CCNY: variants seen among roughly 807,000 people sequenced by gnomAD.
CCNY encodes cyclin Y.
In CCNY, 19 loss-of-function variants were observed where a neutral mutation model predicts 42.8. The ratio of observed to expected loss-of-function variants is 0.44; its 90% CI spans 0.31 to 0.65. CCNY has a LOEUF of 0.65. CCNY is among the 30% of genes least tolerant of loss of function. CCNY has a pLI of 0.07. For synonymous variants in CCNY, 165 were observed against 162.7 expected (o/e 1.01, Z -0.11); for missense variants, 370 against 437.3 (o/e 0.85, Z 1.37).
chr10:35,541,420 C>T (rs971337780), intron 7 of CCNY, among the ~76,000 whole-genome samples: 3 of 152,108 alleles, frequency 2.0e-5, no homozygotes, highest in Non-Finnish European at 4.4e-5. Context: ...ATTTTTGCGA[C>T]GGATCTCATT....
In CCNY at chr10:35,411,738, T is replaced by C. The variant is rs146720178; in HGVS notation, c.155-71666T>C. On this transcript the variant is annotated intron_variant, in intron 1 of 9. Transcript: ENST00000374704. ...GAATGCAGAAACCCAAGACAAGTTT[T>C]ATGTTCTACTAAGAGATTTCTTCCA... Among the ~76,000 whole-genome samples, 6 of 152,286 alleles carry C rather than the reference T, an allele frequency of 3.9e-5. No individual in the cohort carries two copies. The East Asian group carries it at 1.2e-3, about 29-fold the overall frequency.
intron 3 of CCNY, among the ~76,000 whole-genome samples, chr10:35,312,206 T>A (rs1242951011): frequency 6.6e-6 from 1 of 151,600 alleles, no homozygotes; most frequent in African/African-American, 2.4e-5. Flanking sequence ...TGAAACCCTG[T>A]CTTTACTAAA....
At chr10:35,330,032 CCT>C (rs1409771082) in intron 3 of CCNY, among the ~76,000 whole-genome samples, 4 of 152,126 alleles carry the variant, frequency 2.6e-5, no homozygotes, top group Non-Finnish European at 4.4e-5. Flanking sequence ...ATCAACTATC[CCT>C]GTTTTGCTTT....
At chr10:35,304,882 C>G (rs1348268508) in intron 3 of CCNY, among the ~76,000 whole-genome samples, 4 of 152,210 alleles carry the variant, frequency 2.6e-5, no homozygotes, top group African/African-American at 9.6e-5. Flanking sequence ...CAGGGGAGAT[C>G]AGAGGAAGAA....
intron 2 of CCNY, among the ~76,000 whole-genome samples, chr10:35,248,429 A>C (rs1269819237): frequency 6.6e-6 from 1 of 152,048 alleles, no homozygotes; most frequent in East Asian, 1.9e-4. Flanking sequence ...AGATCACCTG[A>C]GGTCAGGAGT....
intron 1 of CCNY, among the ~76,000 whole-genome samples, chr10:35,247,495 A>T (rs1783565566): frequency 6.6e-6 from 1 of 151,950 alleles, no homozygotes; most frequent in Non-Finnish European, 1.5e-5. Flanking sequence ...CTGAGGTGGG[A>T]GGATCACTTG....
intron 3 of CCNY, among the ~76,000 whole-genome samples, chr10:35,268,992 T>C (rs1243603379): frequency 6.6e-6 from 1 of 152,232 alleles, no homozygotes; most frequent in Admixed American, 6.5e-5. Context: ...GATTCTCCCA[T>C]TATCTTCATG....
At chr10:35,478,436 CAG>C (rs1839573479) in intron 1 of CCNY, among the ~76,000 whole-genome samples, 1 of 151,240 alleles carries the variant, frequency 6.6e-6, no homozygotes, top group African/African-American at 2.4e-5. Context: ...GGTACCAAAA[CAG>C]AGATATAGAT....
intron 1 of CCNY, among the ~76,000 whole-genome samples, chr10:35,474,032 G>A (rs2135349692): frequency 6.6e-6 from 1 of 152,340 alleles, no homozygotes; most frequent in African/African-American, 2.4e-5. Flanking sequence ...AGAAAGGGGT[G>A]ACGGACGGCA....
intron 3 of CCNY, among the ~76,000 whole-genome samples, chr10:35,279,466 A>G (rs1018350864): frequency 1.3e-5 from 2 of 152,084 alleles, no homozygotes; most frequent in African/African-American, 4.8e-5. Context: ...GCTTGGAGGG[A>G]ATGTCCACTC....
At chr10:35,365,728 T>A (rs1341561074) in intron 1 of CCNY, among the ~76,000 whole-genome samples, 1 of 152,218 alleles carries the variant, frequency 6.6e-6, no homozygotes, top group Non-Finnish European at 1.5e-5. Flanking sequence ...GTTAATTTTT[T>A]AGTTTAGAAA....
At position 35,365,701 on chromosome 10, in the gene CCNY, G is replaced by T. The variant is rs180835542; in HGVS notation, c.154+28494G>T. On this transcript the variant is annotated intron_variant, in intron 1 of 9. Transcript: ENST00000374704. ...AGAAATATAAATAAAATCTTTAGTG[G>T]ATAGTATTGTACCAATGTTAATTTT... Among the ~76,000 whole-genome samples the T allele has an allele frequency of 9.6e-4, 146 of 152,288 alleles. 2 individuals carry two copies. Among genetic ancestry groups the T allele is most frequent in the Non-Finnish European group, 1.0e-4 (7 of 68,008 alleles).
chr10:35,288,943 TC>T (rs1835382989), intron 3 of CCNY, among the ~76,000 whole-genome samples: 1 of 152,200 alleles, frequency 6.6e-6, no homozygotes, highest in African/African-American at 2.4e-5. Flanking sequence ...CCTTTGGTAT[TC>T]AATGTACATT....
chr10:35,513,816 G>T (rs1840370283), intron 3 of CCNY, among the ~76,000 whole-genome samples: 1 of 152,190 alleles, frequency 6.6e-6, no homozygotes, highest in Non-Finnish European at 1.5e-5. Context: ...GGGAGGGTCT[G>T]TGTGTGCATG....
At chr10:35,335,058 C>A (rs1835994902), upstream of CCNY, among the ~76,000 whole-genome samples, 1 of 145,834 alleles carries the variant, frequency 6.9e-6, no homozygotes, top group African/African-American at 2.6e-5. Context: ...TTCCCAGCTC[C>A]CACCCCCACC....
chr10:35,563,748 C>T (rs919855380), intron 8 of CCNY, among the ~76,000 whole-genome samples: 1 of 152,068 alleles, frequency 6.6e-6, no homozygotes, highest in African/African-American at 2.4e-5. Context: ...CTCTCGTTGC[C>T]CAGGCTGGAG....
intron 3 of CCNY, among the ~76,000 whole-genome samples, chr10:35,277,781 G>A (rs183641190): frequency 5.8e-4 from 88 of 151,890 alleles, no homozygotes; most frequent in Admixed American, 3.1e-3. Flanking sequence ...TGTATGTTGC[G>A]GGCTGGGCCA....
chr10:35,448,420 CTA>C (rs1838839576), intron 1 of CCNY, among the ~76,000 whole-genome samples: 1 of 152,098 alleles, frequency 6.6e-6, no homozygotes, highest in Admixed American at 6.5e-5. Flanking sequence ...TTTAATTTCT[CTA>C]TGTCTCTTTC....
chr10:35,338,060 A>G (rs1836090108), intron 1 of CCNY, among the ~76,000 whole-genome samples: 1 of 152,264 alleles, frequency 6.6e-6, no homozygotes, highest in South Asian at 2.1e-4. Context: ...TATAGTTTAT[A>G]GAATTTTCAA....
Sources: gnomAD v4.1 joint callset for allele counts (sites outside exome capture counted in the v4.1 genomes callset) on GRCh38, gnomAD v4.1.1 for gene constraint, MANE v1.5 for transcripts, NCBI Gene and HGNC (gene_info 2026-07-23, HGNC 2026-07-21) for gene names.